ST8SIA1: variants seen among roughly 807,000 people sequenced by gnomAD.
The protein encoded by ST8SIA1 is alpha-N-acetylneuraminide alpha-2,8-sialyltransferase.
In ST8SIA1, 16 loss-of-function variants were observed where a neutral mutation model predicts 35.9. That is an observed-to-expected ratio of 0.45 (90% confidence interval 0.30 to 0.68). The LOEUF is 0.68. Ranked by LOEUF, ST8SIA1 falls within the 30% of genes least tolerant of loss-of-function variation. ST8SIA1 has a pLI of 0.09. For missense variants in ST8SIA1, 383 were observed against 453.6 expected, an observed-to-expected ratio of 0.84 and a Z score of 1.41; for synonymous variants, 170 against 169.6, an observed-to-expected ratio of 1.00 and a Z score of -0.02.
Position 22,305,579 on chromosome 12 carries a change from C to G in ST8SIA1, c.237-18286G>C, listed in dbSNP as rs990572435. Among the ~76,000 whole-genome samples, 4 of 152,124 alleles carry G rather than the reference C, an allele frequency of 2.6e-5. No individual in the cohort carries two copies. The East Asian group carries it at 7.7e-4, about 29-fold the overall frequency. Reference sequence around the variant, plus strand: ...TATTTTTAGTAGAGACAGGGTTTCACCATGTTGGTCAGGCTGTCCTCGAAC... The same window carrying G: ...TATTTTTAGTAGAGACAGGGTTTCAGCATGTTGGTCAGGCTGTCCTCGAAC... On this transcript the variant is annotated intron_variant, in intron 1 of 4. Transcript: ENST00000396037.
chr12:22,313,072 C>T (rs1866472391), intron 1 of ST8SIA1, among the ~76,000 whole-genome samples: 1 of 152,100 alleles, frequency 6.6e-6, no homozygotes, highest in South Asian at 2.1e-4. Flanking sequence ...TGGAGGCAGG[C>T]CATACCAAAT....
In ST8SIA1 at chr12:22,200,206, G is replaced by C. The variant is rs143285684; in HGVS notation, c.*1346C>G. 1 of 152,184 alleles carries C rather than the reference G, an allele frequency of 6.6e-6. No homozygotes were observed. The highest frequency in any genetic ancestry group is 1.5e-5 in the Non-Finnish European group (1 of 68,048). The allele number at this position is 152,184 out of a possible 1,614,324, so 9.4% of individuals were successfully genotyped here. On this transcript the variant is annotated 3_prime_UTR_variant, in exon 5 of 5. Transcript: ENST00000396037. ...TTCTGCTCATTCCGGGTAAGCATTT[G>C]GGGGTAAGACTTGCATCTTGTGCTG...
At chr12:22,236,855 T>C (rs1487797210) in intron 4 of ST8SIA1, among the ~76,000 whole-genome samples, 2 of 152,094 alleles carry the variant, frequency 1.3e-5, no homozygotes, top group Non-Finnish European at 1.5e-5. Context: ...GTGTGTCAGG[T>C]CCTGTGTTCT....
chr12:22,331,746 C>A (rs73089241), intron 1 of ST8SIA1, among the ~76,000 whole-genome samples: 1 of 152,146 alleles, frequency 6.6e-6, no homozygotes, highest in Non-Finnish European at 1.5e-5. Context: ...TGTCTTGTCC[C>A]TGTTCATTAG....
At chr12:22,315,810 T>C (rs973947459) in intron 1 of ST8SIA1, among the ~76,000 whole-genome samples, 10 of 148,968 alleles carry the variant, frequency 6.7e-5, no homozygotes, top group African/African-American at 9.9e-5. Context: ...AGACAGGCAA[T>C]GCTGTATGGT....
At chr12:22,240,204 A>T (rs1055386906) in intron 4 of ST8SIA1, among the ~76,000 whole-genome samples, 10 of 152,124 alleles carry the variant, frequency 6.6e-5, no homozygotes, top group African/African-American at 2.4e-4. Context: ...ATTTATACTC[A>T]ATTGACATAT....
intron 4 of ST8SIA1, 53 bp from the exon 5 acceptor site, chr12:22,202,091 C>G: frequency 6.7e-7 from 1 of 1,498,302 alleles, no homozygotes; most frequent in Non-Finnish European, 8.8e-7. Flanking sequence ...AAGAAACTCA[C>G]CAAAACCCAC....
intron 1 of ST8SIA1, among the ~76,000 whole-genome samples, chr12:22,306,032 A>C (rs966049726): frequency 6.6e-6 from 1 of 152,200 alleles, no homozygotes; most frequent in South Asian, 2.1e-4. Context: ...ATGAACAAAG[A>C]CAGCTTGGAG....
At chr12:22,264,458 C>A (rs1424533683) in intron 2 of ST8SIA1, among the ~76,000 whole-genome samples, 2 of 152,152 alleles carry the variant, frequency 1.3e-5, no homozygotes, top group Non-Finnish European at 2.9e-5. Flanking sequence ...CAAGATGCAG[C>A]CAAATCAAAA....
At chr12:22,302,543 G>A (rs577645460) in intron 1 of ST8SIA1, among the ~76,000 whole-genome samples, 19 of 152,148 alleles carry the variant, frequency 1.2e-4, no homozygotes, top group Admixed American at 7.2e-4. Context: ...CTAATAACTC[G>A]GGACCTACCT....
chr12:22,298,651 T>A (rs1315620406), intron 1 of ST8SIA1, among the ~76,000 whole-genome samples: 1 of 152,226 alleles, frequency 6.6e-6, no homozygotes. Flanking sequence ...GCCCTATAAA[T>A]GATCATAGAC....
At chr12:22,281,818 A>AT (rs1866038847) in intron 2 of ST8SIA1, among the ~76,000 whole-genome samples, 1 of 98,392 alleles carries the variant, frequency 1.0e-5, no homozygotes, top group South Asian at 3.5e-4. Flanking sequence ...CCTTGTCTCT[A>AT]CAAAAAAAAA....
At chr12:22,310,679 C>T (rs939308723) in intron 1 of ST8SIA1, among the ~76,000 whole-genome samples, 2 of 152,090 alleles carry the variant, frequency 1.3e-5, no homozygotes, top group Non-Finnish European at 2.9e-5. Context: ...AAAGCATATA[C>T]GCCTCGGTGG....
chr12:22,256,765 T>TA (rs1355014720), intron 2 of ST8SIA1, among the ~76,000 whole-genome samples: 1 of 152,092 alleles, frequency 6.6e-6, no homozygotes, highest in Admixed American at 6.5e-5. Flanking sequence ...ATACAGTACT[T>TA]AAAGTGTAAT....
chr12:22,241,698 G>C, intron 4 of ST8SIA1, among the ~76,000 whole-genome samples: 1 of 149,930 alleles, frequency 6.7e-6, no homozygotes, highest in Non-Finnish European at 1.5e-5. Context: ...TGTGGGAATG[G>C]ACTAATATAG....
At chr12:22,261,922 T>C (rs1475815535) in intron 2 of ST8SIA1, among the ~76,000 whole-genome samples, 3 of 152,088 alleles carry the variant, frequency 2.0e-5, no homozygotes, top group Admixed American at 1.3e-4. Context: ...GTGGACAAAA[T>C]AGACATATAC....
rs374488469 is a variant in ST8SIA1, at chr12:22,295,760, G to T, written c.237-8467C>A. Among the ~76,000 whole-genome samples the T allele has an allele frequency of 1.3e-4, 20 of 152,224 alleles. No homozygotes were observed. In the East Asian group the frequency reaches 3.7e-3, roughly 28 times the overall value. On this transcript the variant is annotated intron_variant, in intron 1 of 4. Transcript: ENST00000396037. The stretch of plus-strand genomic sequence containing the variant: ...ACCAACCAACAAAAAGAACCTACTT[G>T]ATTTTGTATAAGGCTGAACAAAGAG...
At chr12:22,257,126 G>A (rs1232269657) in intron 2 of ST8SIA1, among the ~76,000 whole-genome samples, 4 of 152,146 alleles carry the variant, frequency 2.6e-5, no homozygotes, top group African/African-American at 9.7e-5. Context: ...TGAGCAGTGG[G>A]TCAGATGGTG....
chr12:22,279,551 C>A (rs768794977), intron 2 of ST8SIA1, among the ~76,000 whole-genome samples: 1 of 152,192 alleles, frequency 6.6e-6, no homozygotes, highest in African/African-American at 2.4e-5. Context: ...AAACCTCCAG[C>A]GTAGAGACTG....
Sources: allele counts gnomAD v4.1 joint callset (sites outside exome capture counted in the v4.1 genomes callset), GRCh38; gene constraint gnomAD v4.1.1; transcripts MANE v1.5; gene names NCBI Gene and HGNC (gene_info 2026-07-23, HGNC 2026-07-21).